The following IGDCC4 variants were observed in gnomAD, a reference collection of about 807,000 sequenced individuals.
The protein encoded by IGDCC4 is likely ortholog of mouse neighbor of Punc E11.
Under a neutral mutation model 116.6 loss-of-function variants are expected in IGDCC4, and 72 were observed. The ratio of observed to expected loss-of-function variants is 0.62; its 90% confidence interval spans 0.51 to 0.75. The LOEUF (loss-of-function observed/expected upper bound fraction) is 0.75. IGDCC4 is among the 30% of genes least tolerant of loss of function. The pLI, the probability that IGDCC4 is intolerant of heterozygous loss-of-function variation, is 0.00. For synonymous variants in IGDCC4, 709 were observed against 719.9 expected (o/e 0.98, Z 0.24); for missense variants, 1,501 against 1,662.4 (o/e 0.90, Z 1.69).
Position 65,410,055 on chromosome 15 carries a change from G to T in IGDCC4, c.563+123C>A, listed in dbSNP as rs1567091920. On this transcript the variant is annotated intron_variant, in intron 3 of 19. Transcript: ENST00000352385. ...GACATGAGCCAGGAGTCAGGCGGTG[G>T]TTAACACTCAAGTCAGCTTAGGTAA... 6.7e-6 allele frequency: 8 copies of T among 1,192,988 alleles called. No homozygotes were observed. The East Asian group carries it at 9.7e-5, about 15-fold the overall frequency. 73.9% of individuals were successfully genotyped at this position (1,192,988 alleles called of 1,614,324 possible). A position where few individuals can be genotyped will look rare whatever the true frequency, so the allele number is the denominator to read the frequency against.
At position 65,396,844 on chromosome 15, in the gene IGDCC4, G is replaced by C; in HGVS notation, c.987C>G (p.Leu329=). 6.4e-7 allele frequency: 1 copy of C among 1,572,500 alleles called. No individual in the cohort carries two copies. The highest frequency in any genetic ancestry group is 8.6e-7 in the Non-Finnish European group (1 of 1,158,918). Residue 329 remains leucine (L), a synonymous_variant, in exon 6 of 20, where the codon CTC becomes CTG. Transcript: ENST00000352385. ...TTCGGCCCGCCTCACCCAGCACACG[G>C]AGCTCAGCGGCTGCAGTGGCGAAGT... ...TRDFATAAAE[L]RVLAAPAITQ...
intron 2 of IGDCC4, 40 bp from the exon 3 acceptor site, chr15:65,410,359 A>G: frequency 6.2e-7 from 1 of 1,610,922 alleles, no homozygotes; most frequent in South Asian, 1.1e-5. Context: ...GGAAAAGAAT[A>G]GGAGAGAGAA....
At chr15:65,412,034 CAG>C (rs1414039990) in intron 1 of IGDCC4, among the ~76,000 whole-genome samples, 1 of 152,144 alleles carries the variant, frequency 6.6e-6, no homozygotes, top group Admixed American at 6.5e-5. Context: ...CTGGGTAACA[CAG>C]AGAGACTCCG....
At chr15:65,421,091 G>A (rs1027114803) in intron 1 of IGDCC4, among the ~76,000 whole-genome samples, 17 of 152,220 alleles carry the variant, frequency 1.1e-4, no homozygotes, top group Admixed American at 6.5e-5. Context: ...CTGAGATTTG[G>A]AGGACCAGGG....
chr15:65,396,243 C>T (rs756098918), intron 6 of IGDCC4, 80 bp from the exon 7 acceptor site: 4 of 1,341,624 alleles, frequency 3.0e-6, no homozygotes, highest in East Asian at 3.2e-5. Flanking sequence ...CCAAGCCTGC[C>T]CCCCACCGCC....
rs1458816052 is a variant in IGDCC4 at position 65,388,989 on chromosome 15, G to A, written c.2537-11C>T. On this transcript the variant is annotated splice_polypyrimidine_tract_variant and intron_variant, in intron 14 of 19. Transcript: ENST00000352385. ...GGGGTGTGGAGGGCCCTGGGGTGCGGGAGAGGAGATGGGGAGAGATGTCAG... is the reference window on the plus strand; with the variant it reads ...GGGGTGTGGAGGGCCCTGGGGTGCGAGAGAGGAGATGGGGAGAGATGTCAG... 2.6e-6 allele frequency: 4 copies of A among 1,561,328 alleles called. No homozygotes were observed. The highest frequency in any genetic ancestry group is 3.5e-6 in the Non-Finnish European group (4 of 1,152,394).
chr15:65,422,755 C>G (rs1333163087), intron 1 of IGDCC4, 38 bp downstream of exon 1: 38 of 1,330,696 alleles, frequency 2.9e-5, no homozygotes, highest in Non-Finnish European at 1.2e-5. Flanking sequence ...CACCAGCACT[C>G]CGCAGTCGCT....
Position 65,402,866 on chromosome 15 carries a change from TCAAA to T in IGDCC4, c.564-383_564-380del, listed in dbSNP as rs764835012. Among the ~76,000 whole-genome samples the T allele has an allele frequency of 2.2e-4, 33 of 152,022 alleles. 1 individual carries two copies. Among genetic ancestry groups the T allele is most frequent in the Non-Finnish European group, 8.8e-5 (6 of 68,006 alleles). ...TGGGCGACAACAGCAAAACTCCATC[TCAAA>T]CAAACAAACAAAAACTCTAAGACAC... On this transcript the variant is annotated intron_variant, in intron 3 of 19. Transcript: ENST00000352385.
chr15:65,410,383 C>A (rs1745388498), intron 2 of IGDCC4, 64 bp from the exon 3 acceptor site: 2 of 1,593,726 alleles, frequency 1.3e-6, no homozygotes, highest in Admixed American at 1.7e-5. Flanking sequence ...ACAGCAAGCA[C>A]AAACAGTGAA....
intron 8 of IGDCC4, among the ~76,000 whole-genome samples, chr15:65,394,847 G>A (rs2062905130): frequency 6.6e-6 from 1 of 152,156 alleles, no homozygotes; most frequent in African/African-American, 2.4e-5. Context: ...CATGACACAG[G>A]GAATCATCAC....
rs771831042 is a variant in IGDCC4, at chr15:65,389,392, T to C, written c.2428A>G (p.Ile810Val). ...TTGGTGAATGGCTTCAAGCCGCCAA[T>C]GAGGATGTCTTCTCCAGAACTGCTA... Reference protein sequence around the residue: ...YYTSSGEDILIGGLKPFTKYE... With the variant: ...YYTSSGEDILVGGLKPFTKYE... The change falls in exon 14 of 20, where the codon ATT (isoleucine) becomes GTT (valine). Residue 810 changes from isoleucine to valine, a missense_variant. Coordinates refer to ENST00000352385, the MANE Select transcript of IGDCC4 (RefSeq NM_020962.3). 5 of 1,614,160 alleles carry C rather than the reference T, an allele frequency of 3.1e-6. No homozygotes were observed.
chr15:65,390,049 C>T, intron 13 of IGDCC4, 106 bp downstream of exon 13: 3 of 1,027,446 alleles, frequency 2.9e-6, no homozygotes, highest in Non-Finnish European at 4.3e-6. Flanking sequence ...TGACATGTTC[C>T]TGAATCCCAG....
chr15:65,398,912 T>C (rs980425446), intron 5 of IGDCC4, among the ~76,000 whole-genome samples: 1 of 151,604 alleles, frequency 6.6e-6, no homozygotes, highest in African/African-American at 2.4e-5. Flanking sequence ...CAAAACAAAA[T>C]CAAAAACAAA....
intron 1 of IGDCC4, among the ~76,000 whole-genome samples, chr15:65,415,510 T>C (rs2063134592): frequency 6.6e-6 from 1 of 152,176 alleles, no homozygotes; most frequent in Admixed American, 6.5e-5. Context: ...AACAGGAACG[T>C]AGACACAGAG....
intron 7 of IGDCC4, 66 bp from the exon 8 acceptor site, chr15:65,395,324 G>C: frequency 6.7e-7 from 1 of 1,496,708 alleles, no homozygotes; most frequent in Non-Finnish European, 9.1e-7. Context: ...GCTGGAGTCT[G>C]TATAGGAATC....
intron 1 of IGDCC4, 101 bp downstream of exon 1, chr15:65,422,692 G>C: frequency 1.0e-6 from 1 of 990,002 alleles, no homozygotes; most frequent in South Asian, 2.6e-5. Context: ...GCACTTGCTC[G>C]GGACTCCGGC....
intron 3 of IGDCC4, among the ~76,000 whole-genome samples, chr15:65,405,907 G>A (rs189606642): frequency 7.9e-5 from 12 of 152,300 alleles, no homozygotes; most frequent in East Asian, 5.8e-4. Flanking sequence ...CTTGGGCCCC[G>A]AGGATTAAAG....
intron 5 of IGDCC4, among the ~76,000 whole-genome samples, chr15:65,400,036 G>T (rs1198609942): frequency 1.3e-5 from 2 of 152,196 alleles, no homozygotes; most frequent in Non-Finnish European, 2.9e-5. Context: ...GCCTCTCTGA[G>T]CCTCAGTTTC....
Position 65,422,855 on chromosome 15 carries a change from C to G in IGDCC4, c.8G>C (p.Arg3Pro). ...CCCGCGGCCGCGGCCGGCGTCCCCC[C>G]GCGCCATGGGGCTGGGCTCGGGCCG... MARGDAGRGRGLL... is the reference protein window; with the variant it reads MAPGDAGRGRGLL... Residue 3 changes from arginine (R) to proline (P), a missense_variant, in exon 1 of 20, where the codon CGG becomes CCG. Around this residue, in one of 3 missense-constraint regions of IGDCC4, gnomAD observed 898 missense variants for 978.9 expected, o/e 0.92. Transcript: ENST00000352385. 1.7e-6 allele frequency: 2 copies of G among 1,188,398 alleles called. No individual in the cohort carries two copies. Among genetic ancestry groups the G allele is most frequent in the Non-Finnish European group, 2.1e-6 (2 of 956,894 alleles). The allele number at this position is 1,188,398 out of a possible 1,614,324, so 73.6% of individuals were successfully genotyped here. A position where few individuals can be genotyped will look rare whatever the true frequency, so the allele number is the denominator to read the frequency against.
Sources: gnomAD v4.1 joint callset for allele counts (sites outside exome capture counted in the v4.1 genomes callset) on GRCh38, gnomAD v4.1.1 for gene constraint, gnomAD v4.1.1 regional missense constraint, MANE v1.5 for transcripts, NCBI Gene and HGNC (gene_info 2026-07-23, HGNC 2026-07-21) for gene names.